SLC28A1: variants seen among roughly 807,000 people sequenced by gnomAD.
SLC28A1 encodes the protein sodium/nucleoside cotransporter 1.
Under a neutral mutation model 74.8 loss-of-function variants are expected in SLC28A1, and 64 were observed. That is an observed-to-expected ratio of 0.86 (90% CI 0.70 to 1.05). The LOEUF (loss-of-function observed/expected upper bound fraction) is 1.05. SLC28A1 is among the 50% of genes least tolerant of loss of function. The probability of loss-of-function intolerance (pLI) is 0.00; values close to 1 mark genes in which losing one functional copy is unlikely to be tolerated. For missense variants in SLC28A1, 828 were observed against 822.8 expected, an observed-to-expected ratio of 1.01 and a Z score of -0.08; for synonymous variants, 359 against 335.0, an observed-to-expected ratio of 1.07 and a Z score of -0.78.
intron 6 of SLC28A1, among the ~76,000 whole-genome samples, chr15:84,899,552 A>G (rs1333222383): frequency 6.6e-6 from 1 of 152,216 alleles, no homozygotes; most frequent in African/African-American, 2.4e-5. Flanking sequence ...ATGGATTACT[A>G]GCAGATTTCT....
Position 84,945,147 on chromosome 15 carries a change from G to C in SLC28A1, c.1897G>C (p.Glu633Gln). The change falls in exon 19 of 19, where the codon GAG (glutamate) becomes CAG (glutamine). Residue 633 changes from glutamate (E) to glutamine (Q), a missense_variant. Physicochemically the swap from Glu to Gln is conservative, Grantham distance 29. Transcript: ENST00000394573. ...TAGCGTCAATCCAGAGTTCAGCCCAGAGGCCCTGGACAACTGCTGTCGGTT... is the reference window on the plus strand; with the variant it reads ...TAGCGTCAATCCAGAGTTCAGCCCACAGGCCCTGGACAACTGCTGTCGGTT... ...FQSVNPEFSP[E>Q]ALDNCCRFYN... 1 of 1,614,138 alleles carries C rather than the reference G, an allele frequency of 6.2e-7. No individual in the cohort carries two copies. The highest frequency in any genetic ancestry group is 8.5e-7 in the Non-Finnish European group (1 of 1,180,024).
At position 84,894,984 on chromosome 15, in the gene SLC28A1, A is replaced by T; in HGVS notation, c.322A>T (p.Arg108Trp). ...LLVACLLDFQ[R>W]ALALFVLTCV... ...GGTGGCCTGCCTCCTGGATTTCCAGAGGGCCCTGGCTCTGTTTGTCCTCAC... is the reference window on the plus strand; with the variant it reads ...GGTGGCCTGCCTCCTGGATTTCCAGTGGGCCCTGGCTCTGTTTGTCCTCAC... Residue 108 changes from arginine to tryptophan, a missense_variant, in exon 6 of 19, where the codon AGG becomes TGG. Transcript: ENST00000394573. 3 of 1,614,076 alleles carry T rather than the reference A, an allele frequency of 1.9e-6. No individual in the cohort carries two copies. Among genetic ancestry groups the T allele is most frequent in the Non-Finnish European group, 2.5e-6 (3 of 1,180,008 alleles).
chr15:84,928,596 T>TCTC (rs1567172597), intron 12 of SLC28A1, among the ~76,000 whole-genome samples: 3 of 19,634 alleles, frequency 1.5e-4, no homozygotes, highest in African/African-American at 3.6e-4. Flanking sequence ...CTTTCTTTCT[T>TCTC]TCTTTCTTTT....
chr15:84,921,541 T>G (rs907620231), intron 11 of SLC28A1, among the ~76,000 whole-genome samples: 1 of 152,196 alleles, frequency 6.6e-6, no homozygotes, highest in African/African-American at 2.4e-5. Flanking sequence ...AAAGTACCCT[T>G]GGTGCCGAGT....
the SLC28A1 span, among the ~76,000 whole-genome samples, chr15:84,973,183 C>T: frequency 6.6e-6 from 1 of 152,174 alleles, no homozygotes; most frequent in Non-Finnish European, 1.5e-5. Context: ...TCCTTCCTCC[C>T]ATTTCAAGGC....
At chr15:84,945,909 G>A (rs1273966837), downstream of SLC28A1, 1 of 152,648 alleles carries the variant, frequency 6.6e-6, no homozygotes, top group Non-Finnish European at 1.4e-5. Context: ...ACCCAGGCTA[G>A]AGTACAGTGA....
intron 15 of SLC28A1, 74 bp from the exon 16 acceptor site, chr15:84,943,371 G>T (rs1001004214): frequency 2.9e-6 from 3 of 1,034,958 alleles, no homozygotes; most frequent in African/African-American, 3.1e-5. Flanking sequence ...TAAGGCCAGG[G>T]AGCCTGGGTG....
At chr15:84,936,110 C>T (rs545392625) in intron 15 of SLC28A1, among the ~76,000 whole-genome samples, 12 of 151,178 alleles carry the variant, frequency 7.9e-5, no homozygotes, top group East Asian at 3.9e-4. Context: ...CGCCCACCAC[C>T]GCGCCCGGCT....
At chr15:84,965,899 G>C in the SLC28A1 span, among the ~76,000 whole-genome samples, 1 of 145,090 alleles carries the variant, frequency 6.9e-6, no homozygotes, top group Non-Finnish European at 1.5e-5. Context: ...GGAGGGAGGC[G>C]GGGAGGGGGG....
At chr15:84,895,225 T>C in intron 6 of SLC28A1, 102 bp downstream of exon 6, 1 of 1,578,586 alleles carries the variant, frequency 6.3e-7, no homozygotes, top group Non-Finnish European at 8.7e-7. Context: ...GAAGGCTCTG[T>C]GTCATGGAGA....
chr15:84,908,847 TC>T, intron 9 of SLC28A1, 52 bp downstream of exon 9: 1 of 1,474,074 alleles, frequency 6.8e-7, no homozygotes, highest in Non-Finnish European at 9.5e-7. Flanking sequence ...GCCCAGCGAC[TC>T]CAGCTAGAGG....
chr15:84,889,677 TTTCCTTCCTTCCTTCTTTCCTTCC>T lies in SLC28A1; in HGVS notation c.186-758_186-735del, dbSNP rs1965068141. On this transcript the variant is annotated intron_variant, in intron 4 of 18. Transcript: ENST00000394573. The stretch of plus-strand genomic sequence containing the variant: ...TTTCTTTTCTTTCCTTCCTTCCTTC[TTTCCTTCCTTCCTTCTTTCCTTCC>T]TTCCTTCTTTCCTTCCTTCCTTCCT... 6.6e-4 allele frequency among the ~76,000 whole-genome samples: 72 copies of T among 109,916 alleles called. 3 individuals are homozygous for T. The highest frequency in any genetic ancestry group is 6.0e-3 in the Admixed American group (62 of 10,286). 72.1% of individuals were successfully genotyped at this position (109,916 alleles called of 152,430 possible). A position where few individuals can be genotyped will look rare whatever the true frequency, so the allele number is the denominator to read the frequency against.
the SLC28A1 span, among the ~76,000 whole-genome samples, chr15:84,956,308 A>G: frequency 3.3e-5 from 5 of 152,002 alleles, 1 homozygote; most frequent in South Asian, 1.0e-3. Flanking sequence ...TATTCCATTA[A>G]TGTGTTTCTG....
intron 15 of SLC28A1, among the ~76,000 whole-genome samples, chr15:84,935,923 C>T (rs6496537): frequency 0.9 from 131,051 of 145,160 alleles, 59,431 homozygotes; most frequent in African/African-American, 0.98. Flanking sequence ...CACTAACACC[C>T]TCACTGTTTT....
intron 9 of SLC28A1, among the ~76,000 whole-genome samples, chr15:84,918,323 C>T (rs1229909040): frequency 6.6e-6 from 1 of 152,120 alleles, no homozygotes; most frequent in Non-Finnish European, 1.5e-5. Context: ...GCCGAGAGGA[C>T]AAGGCTGCCT....
intron 18 of SLC28A1, 54 bp from the exon 19 acceptor site, chr15:84,945,071 T>C (rs1350032524): frequency 6.7e-7 from 1 of 1,491,624 alleles, no homozygotes; most frequent in East Asian, 2.3e-5. Context: ...AGCCTGGTGG[T>C]GGCCCGCAGA....
At chr15:84,885,387 T>G (rs983442001) in intron 1 of SLC28A1, among the ~76,000 whole-genome samples, 2 of 150,914 alleles carry the variant, frequency 1.3e-5, no homozygotes, top group Non-Finnish European at 2.9e-5. Context: ...TACTGTGTGA[T>G]CCCCTATTGG....
chr15:84,900,065 C>G (rs1490631440), intron 6 of SLC28A1, among the ~76,000 whole-genome samples: 1 of 151,980 alleles, frequency 6.6e-6, no homozygotes, highest in Non-Finnish European at 1.5e-5. Flanking sequence ...GTCTATAATC[C>G]CAGCAATTTG....
chr15:84,912,812 A>AGTG (rs1968518024), intron 9 of SLC28A1, among the ~76,000 whole-genome samples: 2 of 80,362 alleles, frequency 2.5e-5, no homozygotes, highest in African/African-American at 7.9e-5. Flanking sequence ...GCGCGCACAC[A>AGTG]CACACACACA....
Sources: gnomAD v4.1 joint callset for allele counts (sites outside exome capture counted in the v4.1 genomes callset) on GRCh38, gnomAD v4.1.1 for gene constraint, MANE v1.5 for transcripts, NCBI Gene and HGNC (gene_info 2026-07-23, HGNC 2026-07-21) for gene names.